The following PATL1 variants were observed in gnomAD, a reference collection of about 807,000 sequenced individuals.
PATL1 encodes protein PAT1 homolog 1.
Under a neutral mutation model 100.6 loss-of-function variants are expected in PATL1, and 32 were observed. The ratio of observed to expected loss-of-function variants is 0.32; its 90% CI spans 0.24 to 0.43. PATL1 has a LOEUF of 0.43. Among genes scored for constraint, PATL1 ranks in the 20% least tolerant of loss-of-function variants. PATL1 has a pLI of 1.00. For missense variants in PATL1, 747 were observed against 949.9 expected, an observed-to-expected ratio of 0.79 and a Z score of 2.81; for synonymous variants, 332 against 330.0, an observed-to-expected ratio of 1.01 and a Z score of -0.07.
In PATL1 at chr11:59,644,456, T is replaced by C. The variant is rs138493524; in HGVS notation, c.1894-1421A>G. ...TGTATTAGAACCATTATTGTGCTAA[T>C]TATGGTTCAAACAAGATCCACACAT... is the stretch of plus-strand genomic sequence containing the variant. On this transcript the variant is annotated intron_variant, in intron 15 of 18. Coordinates refer to ENST00000300146, the MANE Select transcript of PATL1 (RefSeq NM_152716.3). Among the ~76,000 whole-genome samples, 113 of 152,232 alleles carry C rather than the reference T, an allele frequency of 7.4e-4. 2 individuals are homozygous for C. The East Asian group carries it at 0.017, about 23-fold the overall frequency.
chr11:59,656,304 G>A (rs937475421), intron 6 of PATL1, among the ~76,000 whole-genome samples, 195 bp downstream of exon 6: 7 of 152,090 alleles, frequency 4.6e-5, no homozygotes, highest in Middle Eastern at 3.2e-3. Flanking sequence ...ATTTTTAAAG[G>A]TAAGAAAAGA....
At chr11:59,666,745 C>G (rs898026854) in intron 2 of PATL1, 108 bp downstream of exon 2, 2 of 1,174,734 alleles carry the variant, frequency 1.7e-6, no homozygotes, top group East Asian at 2.7e-5. Flanking sequence ...AATATCTTGC[C>G]AAGTTAGTGA....
intron 15 of PATL1, among the ~76,000 whole-genome samples, chr11:59,643,933 G>T (rs1424195041): frequency 6.6e-6 from 1 of 152,018 alleles, no homozygotes; most frequent in Non-Finnish European, 1.5e-5. Flanking sequence ...TTAAAATAAA[G>T]AACTATTAAT....
At chr11:59,654,682 C>A (rs774990561) in intron 8 of PATL1, among the ~76,000 whole-genome samples, 8 of 152,024 alleles carry the variant, frequency 5.3e-5, no homozygotes, top group African/African-American at 1.9e-4. Flanking sequence ...GTAGGTTTAA[C>A]GTACTCAGCT....
Position 59,637,562 on chromosome 11 carries a change from G to A in PATL1, c.*828C>T, listed in dbSNP as rs1372336553. The A allele has an allele frequency of 6.6e-6, 1 of 152,606 alleles. No individual in the cohort carries two copies. Among genetic ancestry groups the A allele is most frequent in the African/African-American group, 2.4e-5 (1 of 41,438 alleles). 9.5% of individuals were successfully genotyped at this position (152,606 alleles called of 1,614,324 possible). ...TGGGTGACTTCGAATGCACTTGAGG[G>A]GAAAGGCTCAAGTACCCTGTAGTTG... On this transcript the variant is annotated 3_prime_UTR_variant, in exon 19 of 19. Transcript: ENST00000300146.
At chr11:59,659,029 A>G in intron 3 of PATL1, 83 bp from the exon 4 acceptor site, 1 of 1,269,614 alleles carries the variant, frequency 7.9e-7, no homozygotes, top group Non-Finnish European at 1.1e-6. Context: ...ACAAGGTTCC[A>G]AAAGAGCCTC....
Position 59,659,497 on chromosome 11 carries a change from AAT to A in PATL1, c.128-30_128-29del, listed in dbSNP as rs1188855856. 4.5e-6 allele frequency: 7 copies of A among 1,539,852 alleles called. No homozygotes were observed. In the Admixed American group the frequency reaches 1.4e-4, roughly 30 times the overall value. Reference sequence around the variant, plus strand: ...ATAAGATGACACAGTTCATGTAAGAAATAGTTCATAGTGGTACAAAAAAGTTT... The same window carrying A: ...ATAAGATGACACAGTTCATGTAAGAAAGTTCATAGTGGTACAAAAAAGTTT... On this transcript the variant is annotated intron_variant, in intron 2 of 18. Coordinates refer to ENST00000300146, the MANE Select transcript of PATL1 (RefSeq NM_152716.3).
At position 59,649,517 on chromosome 11, in the gene PATL1, G is replaced by C; in HGVS notation, c.1678C>G (p.His560Asp). The C allele has an allele frequency of 6.2e-7, 1 of 1,613,874 alleles. No individual in the cohort carries two copies. The change falls in exon 14 of 19, where the codon CAC becomes GAC. Residue 560 changes from histidine to aspartate, a missense_variant. By Grantham distance (81) the His-to-Asp change is moderately conservative. Transcript: ENST00000300146. ...ERPALMDDRKHKICSMYDNLR... is the reference protein window; with the variant it reads ...ERPALMDDRKDKICSMYDNLR... ...TTGTCATACATGCTACAAATTTTGT[G>C]CTTTCTGTCATCCATTAGGGCAGGT...
intron 16 of PATL1, among the ~76,000 whole-genome samples, chr11:59,641,147 A>C (rs1386595085): frequency 6.6e-6 from 1 of 151,440 alleles, no homozygotes; most frequent in East Asian, 2.0e-4. Flanking sequence ...CTGCAGCATG[A>C]GTGACAGAGC....
chr11:59,644,585 A>G (rs759165358), intron 15 of PATL1, among the ~76,000 whole-genome samples: 1 of 152,174 alleles, frequency 6.6e-6, no homozygotes, highest in East Asian at 1.9e-4. Flanking sequence ...CATTTGTTCT[A>G]TAGTTTGAAT....
At chr11:59,668,063 T>C (rs1008279911) in intron 1 of PATL1, among the ~76,000 whole-genome samples, 4 of 152,236 alleles carry the variant, frequency 2.6e-5, no homozygotes, top group Non-Finnish European at 4.4e-5. Context: ...ACTGCCTCCT[T>C]ATCAGAGGCA....
intron 5 of PATL1, chr11:59,657,230 A>T (rs1861549145): frequency 1.3e-6 from 1 of 756,364 alleles, no homozygotes; most frequent in Non-Finnish European, 1.6e-6. Context: ...CCCGGCTTTC[A>T]GTTATCTCTC....
chr11:59,657,712 C>T lies in PATL1; in HGVS notation c.439G>A (p.Val147Met). 1 of 1,587,246 alleles carries T rather than the reference C, an allele frequency of 6.3e-7. No homozygotes were observed. Among genetic ancestry groups the T allele is most frequent in the Non-Finnish European group, 8.6e-7 (1 of 1,164,348 alleles). Residue 147 changes from valine (V) to methionine (M), a missense_variant, in exon 5 of 19, where the codon GTG (valine) becomes ATG (methionine). Val to Met is a conservative substitution (Grantham distance 21). Coordinates refer to ENST00000300146, the MANE Select transcript of PATL1 (RefSeq NM_152716.3). ...GPLLAQEMPT[V>M]SVLEYALPQR... ...GGCAAAGCATATTCTAATACAGACA[C>T]TGTAGGCATTTCCTAATTGAGGAAG...
chr11:59,643,438 A>T (rs1431413137), intron 15 of PATL1, among the ~76,000 whole-genome samples: 2 of 151,934 alleles, frequency 1.3e-5, no homozygotes, highest in African/African-American at 4.8e-5. Flanking sequence ...TGGCCATTTC[A>T]ATATACTGTG....
chr11:59,651,640 C>T lies in PATL1; in HGVS notation c.1428G>A (p.Val476=), dbSNP rs199778531. The change falls in exon 12 of 19, where the codon GTG becomes GTA. Residue 476 remains valine (V), a splice_region_variant and synonymous_variant. Transcript: ENST00000300146. ...VAKLEHAYKP[V]QFEGSLGKLT... is the part of the protein sequence containing the mutation. ...GCTTTCCCAAAGAGCCCTCAAATTGCACTGCAAAGACAAAAAAAAAAAAAA... is the reference window on the plus strand; with the variant it reads ...GCTTTCCCAAAGAGCCCTCAAATTGTACTGCAAAGACAAAAAAAAAAAAAA... 7.8e-4 allele frequency: 1,239 copies of T among 1,585,246 alleles called. No homozygotes were observed. Among genetic ancestry groups the T allele is most frequent in the Non-Finnish European group, 8.0e-4 (925 of 1,162,534 alleles).
rs1164611548 is a variant in PATL1 at position 59,655,596 on chromosome 11, T to G, written c.958A>C (p.Ser320Arg). 6.3e-7 allele frequency: 1 copy of G among 1,592,018 alleles called. No individual in the cohort carries two copies. Among genetic ancestry groups the G allele is most frequent in the Non-Finnish European group, 8.6e-7 (1 of 1,168,982 alleles). The change falls in exon 8 of 19, where the codon AGT becomes CGT. Residue 320 changes from serine to arginine, a missense_variant. Ser to Arg is a moderately radical substitution (Grantham distance 110). Transcript: ENST00000300146. Reference sequence around the variant, plus strand: ...GGTGGTGTAGCGGAGGGTGGAGCACTAAAGAAGGCACGGAAGCCTGGTGCT... The same window carrying G: ...GGTGGTGTAGCGGAGGGTGGAGCACGAAAGAAGGCACGGAAGCCTGGTGCT... ...PPAPGFRAFF[S>R]APPSATPPPQ...
intron 15 of PATL1, among the ~76,000 whole-genome samples, chr11:59,643,682 A>T (rs1251044007): frequency 6.6e-6 from 1 of 151,958 alleles, no homozygotes; most frequent in Non-Finnish European, 1.5e-5. Context: ...ACAGGGTGAG[A>T]CCCACCCTGT....
At chr11:59,646,368 T>C (rs113925840) in intron 15 of PATL1, among the ~76,000 whole-genome samples, 295 of 151,992 alleles carry the variant, frequency 1.9e-3, no homozygotes, top group African/African-American at 6.6e-3. Context: ...CTATTTTTAG[T>C]AGGGACAGTT....
Position 59,639,388 on chromosome 11 carries a change from G to A in PATL1, c.2050-5C>T, listed in dbSNP as rs201130760. 11 of 1,548,656 alleles carry A rather than the reference G, an allele frequency of 7.1e-6. No homozygotes were observed. In the Admixed American group the frequency reaches 7.8e-5, roughly 11 times the overall value. ...GAGGAGCAGTGACAGGCCAAACTAC[G>A]AGAAAAGACAGAGGGAATCAAACTC... On this transcript the variant is annotated splice_polypyrimidine_tract_variant and splice_region_variant and intron_variant, in intron 16 of 18. Coordinates refer to ENST00000300146, the MANE Select transcript of PATL1 (RefSeq NM_152716.3).
Sources: gnomAD v4.1 joint callset for allele counts (sites outside exome capture counted in the v4.1 genomes callset) on GRCh38, gnomAD v4.1.1 for gene constraint, MANE v1.5 for transcripts, NCBI Gene and HGNC (gene_info 2026-07-23, HGNC 2026-07-21) for gene names.